The following NUDT4 variants were observed in gnomAD, a reference collection of about 807,000 sequenced individuals.
NUDT4 encodes the protein nudix hydrolase 4.
NUDT4 carries 5 observed loss-of-function variants against 23.1 expected under a neutral mutation model. That is an observed-to-expected ratio of 0.22 (90% CI 0.11 to 0.46). The LOEUF (loss-of-function observed/expected upper bound fraction) is 0.46. Among genes scored for constraint, NUDT4 ranks in the 20% least tolerant of loss-of-function variants. The pLI, the probability that NUDT4 is intolerant of heterozygous loss-of-function variation, is 0.99. For synonymous variants in NUDT4, 50 were observed against 79.0 expected (o/e 0.63, Z 1.95); for missense variants, 96 against 211.6 (o/e 0.45, Z 3.39).
At position 93,407,896 on chromosome 12, in the gene NUDT4, G is replaced by T. The variant is rs966568382; in HGVS notation, c.*8517G>T. ...AAGCAAGTCTTAGCAAAGTAATGGG[G>T]GAGTCTTACCAAAACTGCAAAGGAA... On this transcript the variant is annotated 3_prime_UTR_variant, in exon 5 of 5. Transcript: ENST00000415493. The T allele has an allele frequency of 7.9e-5, 12 of 152,110 alleles. No individual in the cohort carries two copies. Among genetic ancestry groups the T allele is most frequent in the African/African-American group, 2.7e-4 (11 of 41,408 alleles). The allele number at this position is 152,110 out of a possible 1,614,324, so 9.4% of individuals were successfully genotyped here. A position where few individuals can be genotyped will look rare whatever the true frequency, so the allele number is the denominator to read the frequency against.
intron 3 of NUDT4, among the ~76,000 whole-genome samples, chr12:93,398,398 T>C (rs1251803259): frequency 6.7e-6 from 1 of 149,350 alleles, no homozygotes; most frequent in African/African-American, 2.5e-5. Flanking sequence ...GTGTTTAAAG[T>C]TTAGTACTGG....
rs916420690 is a variant in NUDT4, at chr12:93,402,988, T to C, written c.*3609T>C. The C allele has an allele frequency of 6.6e-6, 1 of 152,158 alleles. No individual in the cohort carries two copies. Among genetic ancestry groups the C allele is most frequent in the Non-Finnish European group, 1.5e-5 (1 of 68,036 alleles). The allele number at this position is 152,158 out of a possible 1,614,324, so 9.4% of individuals were successfully genotyped here. A position where few individuals can be genotyped will look rare whatever the true frequency, so the allele number is the denominator to read the frequency against. On this transcript the variant is annotated 3_prime_UTR_variant, in exon 5 of 5. Transcript: ENST00000415493. ...ATGAGAAACTTGGCCCTTTCCAATG[T>C]TGTCTTCACATTGGAGTATAAGAAT...
rs900643078 is a variant in NUDT4, at chr12:93,402,909, A to G, written c.*3530A>G. ...CCAAAGACCAACTGTAGAATCCTTA[A>G]GTCCTGTTCAAGTGTCACTTCATTT... On this transcript the variant is annotated 3_prime_UTR_variant, in exon 5 of 5. Transcript: ENST00000415493. 6.6e-6 allele frequency: 1 copy of G among 152,182 alleles called. No homozygotes were observed. Among genetic ancestry groups the G allele is most frequent in the Non-Finnish European group, 1.5e-5 (1 of 68,038 alleles). 9.4% of individuals were successfully genotyped at this position (152,182 alleles called of 1,614,324 possible). A position where few individuals can be genotyped will look rare whatever the true frequency, so the allele number is the denominator to read the frequency against.
rs188291931 is a variant in NUDT4 at position 93,408,070 on chromosome 12, A to C, written c.*8691A>C. 2.6e-4 allele frequency: 39 copies of C among 152,360 alleles called. 2 individuals carry two copies. The highest frequency in any genetic ancestry group is 2.3e-3 in the Admixed American group (35 of 15,306). 9.4% of individuals were successfully genotyped at this position (152,360 alleles called of 1,614,324 possible). ...TAAATCTGGAATTTCATGGTTTGTAAATCACTATGTGATACTAGCTATAAC... is the reference window on the plus strand; with the variant it reads ...TAAATCTGGAATTTCATGGTTTGTACATCACTATGTGATACTAGCTATAAC... On this transcript the variant is annotated 3_prime_UTR_variant, in exon 5 of 5. Transcript: ENST00000415493.
chr12:93,406,729 A>G lies in NUDT4; in HGVS notation c.*7350A>G, dbSNP rs1165228655. The G allele has an allele frequency of 2.0e-5, 3 of 152,234 alleles. No individual in the cohort carries two copies. The highest frequency in any genetic ancestry group is 2.1e-4 in the South Asian group (1 of 4,830). The allele number at this position is 152,234 out of a possible 1,614,324, so 9.4% of individuals were successfully genotyped here. ...TATTATAAGTAATCTAAATATTAAC[A>G]TAAGCGGGAGGATTTGTGTAGATTG... On this transcript the variant is annotated 3_prime_UTR_variant, in exon 5 of 5. Coordinates refer to ENST00000415493, the MANE Select transcript of NUDT4 (RefSeq NM_019094.6).
Position 93,400,445 on chromosome 12 carries a change from C to T in NUDT4, c.*1066C>T, listed in dbSNP as rs1400277721. ...TTTGTCACATAACTAACTTTCGAGG[C>T]ACTGGAACATACCTGAACTAAGAAT... On this transcript the variant is annotated 3_prime_UTR_variant, in exon 5 of 5. Transcript: ENST00000415493. 6.6e-6 allele frequency: 1 copy of T among 152,302 alleles called. No individual in the cohort carries two copies. The highest frequency in any genetic ancestry group is 2.4e-5 in the African/African-American group (1 of 41,490). The allele number at this position is 152,302 out of a possible 1,614,324, so 9.4% of individuals were successfully genotyped here.
intron 3 of NUDT4, among the ~76,000 whole-genome samples, chr12:93,398,169 G>A (rs186048450): frequency 2.6e-5 from 4 of 151,628 alleles, no homozygotes; most frequent in East Asian, 1.9e-4. Flanking sequence ...GTGAAACCCC[G>A]TCTGTACTAA....
chr12:93,385,914 T>A (rs989887056), intron 1 of NUDT4, among the ~76,000 whole-genome samples: 10 of 131,702 alleles, frequency 7.6e-5, no homozygotes, highest in Admixed American at 1.6e-4. Flanking sequence ...TGTATAGATT[T>A]TATATATATA....
In NUDT4 at chr12:93,402,427, T is replaced by TGTGCTTAC. The variant is rs1245913573; in HGVS notation, c.*3049_*3056dup. ...ATACCTTTCAGTGCATAGTGCATTG[T>TGTGCTTAC]GTGCTTACCCTGGGTTGTTTAAACT... On this transcript the variant is annotated 3_prime_UTR_variant, in exon 5 of 5. Transcript: ENST00000415493. 1 of 152,220 alleles carries TGTGCTTAC rather than the reference T, an allele frequency of 6.6e-6. No homozygotes were observed. The highest frequency in any genetic ancestry group is 1.9e-4 in the East Asian group (1 of 5,198). The allele number at this position is 152,220 out of a possible 1,614,324, so 9.4% of individuals were successfully genotyped here.
chr12:93,378,694 G>GT lies in NUDT4; in HGVS notation c.99+274dup. On this transcript the variant is annotated intron_variant, in intron 1 of 4. Coordinates refer to ENST00000415493, the MANE Select transcript of NUDT4 (RefSeq NM_019094.6). ...GGTCCCCGGGAAGGTCCCGGGCCGC[G>GT]TAAGTCTCGCCTAGCGGGAGTCACC... 4 of 1,143,308 alleles carry GT rather than the reference G, an allele frequency of 3.5e-6. No homozygotes were observed. In the South Asian group the frequency reaches 1.2e-4, roughly 35 times the overall value. The allele number at this position is 1,143,308 out of a possible 1,614,324, so 70.8% of individuals were successfully genotyped here.
intron 1 of NUDT4, among the ~76,000 whole-genome samples, chr12:93,390,157 TGCG>T (rs1876387658): frequency 6.6e-6 from 1 of 152,212 alleles, no homozygotes; most frequent in Non-Finnish European, 1.5e-5. Context: ...GCTAGCCACC[TGCG>T]TTATGTCCCA....
chr12:93,407,384 C>T lies in NUDT4; in HGVS notation c.*8005C>T, dbSNP rs1337509019. On this transcript the variant is annotated 3_prime_UTR_variant, in exon 5 of 5. Coordinates refer to ENST00000415493, the MANE Select transcript of NUDT4 (RefSeq NM_019094.6). The stretch of plus-strand genomic sequence containing the variant: ...CCATGCCATTCACTCACCACCTAAT[C>T]ATCCCCAACAACTAGTGGGCAAACA... 1 of 152,256 alleles carries T rather than the reference C, an allele frequency of 6.6e-6. No individual in the cohort carries two copies. Among genetic ancestry groups the T allele is most frequent in the African/African-American group, 2.4e-5 (1 of 41,452 alleles). 9.4% of individuals were successfully genotyped at this position (152,256 alleles called of 1,614,324 possible). A position where few individuals can be genotyped will look rare whatever the true frequency, so the allele number is the denominator to read the frequency against.
intron 1 of NUDT4, chr12:93,378,770 C>G: frequency 9.8e-7 from 1 of 1,020,042 alleles, no homozygotes; most frequent in Non-Finnish European, 1.2e-6. Flanking sequence ...GAGTGCTCAG[C>G]GAGAGGAGGG....
chr12:93,387,578 T>C (rs770896960), intron 1 of NUDT4, among the ~76,000 whole-genome samples: 1 of 152,252 alleles, frequency 6.6e-6, no homozygotes, highest in Non-Finnish European at 1.5e-5. Context: ...TGTTTTCATC[T>C]TAATCTCAAC....
chr12:93,394,292 G>A (rs1379493906), intron 1 of NUDT4, among the ~76,000 whole-genome samples: 4 of 152,172 alleles, frequency 2.6e-5, no homozygotes, highest in South Asian at 2.1e-4. Flanking sequence ...GTGAGCCACC[G>A]CGCCCAGCCA....
rs1876643316 is a variant in NUDT4, at chr12:93,392,735, A to G, written c.100-1874A>G. The stretch of plus-strand genomic sequence containing the variant: ...TGCCCAGGCTGGAGTGCAGTGGTGC[A>G]ATCTCTGCTCACTGCTCACTGCAAC... On this transcript the variant is annotated intron_variant, in intron 1 of 4. Transcript: ENST00000415493. Among the ~76,000 whole-genome samples the G allele has an allele frequency of 4.8e-5, 5 of 104,322 alleles. No individual in the cohort carries two copies. The South Asian group carries it at 1.7e-3, about 35-fold the overall frequency. 68.4% of individuals were successfully genotyped at this position (104,322 alleles called of 152,430 possible).
Position 93,405,524 on chromosome 12 carries a change from C to T in NUDT4, c.*6145C>T, listed in dbSNP as rs1201668868. ...AGACCCGAACTCTTAATATTGGATT[C>T]CACACAAGAGGAAAAATTTTAGTCC... is the stretch of plus-strand genomic sequence containing the variant. On this transcript the variant is annotated 3_prime_UTR_variant, in exon 5 of 5. Transcript: ENST00000415493. 1 of 152,074 alleles carries T rather than the reference C, an allele frequency of 6.6e-6. No homozygotes were observed. The highest frequency in any genetic ancestry group is 2.4e-5 in the African/African-American group (1 of 41,364). The allele number at this position is 152,074 out of a possible 1,614,324, so 9.4% of individuals were successfully genotyped here. A position where few individuals can be genotyped will look rare whatever the true frequency, so the allele number is the denominator to read the frequency against.
chr12:93,384,059 A>G (rs1875886754), intron 1 of NUDT4, among the ~76,000 whole-genome samples: 1 of 152,192 alleles, frequency 6.6e-6, no homozygotes, highest in Admixed American at 6.5e-5. Flanking sequence ...AAGGACCTAC[A>G]GCCTCTGAAG....
chr12:93,378,682 G>T (rs1875395258), intron 1 of NUDT4: 1 of 1,165,438 alleles, frequency 8.6e-7, no homozygotes, highest in Non-Finnish European at 1.1e-6. Flanking sequence ...CCCCGGGAAG[G>T]TCCCGGGCCG....
Sources: allele counts gnomAD v4.1 joint callset (sites outside exome capture counted in the v4.1 genomes callset), GRCh38; gene constraint gnomAD v4.1.1; transcripts MANE v1.5; gene names NCBI Gene and HGNC (gene_info 2026-07-23, HGNC 2026-07-21).